Variants in PXDNL observed in about 807,000 individuals in gnomAD.
PXDNL encodes probable oxidoreductase PXDNL.
In PXDNL, 145 loss-of-function variants were observed where a neutral mutation model predicts 150.8. That is an observed-to-expected ratio of 0.96 (90% confidence interval 0.84 to 1.10). The LOEUF (loss-of-function observed/expected upper bound fraction) is 1.10. Ranked by LOEUF, PXDNL falls within the 50% of genes least tolerant of loss-of-function variation. The pLI is 0.00. For synonymous variants in PXDNL, 757 were observed against 725.7 expected (o/e 1.04, Z -0.69); for missense variants, 2,087 against 1,873.9 (o/e 1.11, Z -2.10).
chr8:51,570,202 A>C (rs1812904749), intron 3 of PXDNL, among the ~76,000 whole-genome samples: 1 of 151,916 alleles, frequency 6.6e-6, no homozygotes, highest in African/African-American at 2.4e-5. Flanking sequence ...ATGGGGCAGT[A>C]TGAAGAGTCT....
chr8:51,356,976 C>T (rs994562740), intron 19 of PXDNL, among the ~76,000 whole-genome samples: 6 of 152,104 alleles, frequency 3.9e-5, no homozygotes, highest in African/African-American at 7.2e-5. Flanking sequence ...GCAGCTGATT[C>T]ATCTGATAAT....
intron 17 of PXDNL, among the ~76,000 whole-genome samples, chr8:51,406,197 A>G (rs1057364736): frequency 4.6e-5 from 7 of 152,238 alleles, no homozygotes; most frequent in African/African-American, 1.7e-4. Context: ...TTAGCTGCCA[A>G]TTGAGAAGTG....
chr8:51,791,925 C>G (rs1226989357), intron 1 of PXDNL, among the ~76,000 whole-genome samples: 4 of 152,002 alleles, frequency 2.6e-5, no homozygotes, highest in Non-Finnish European at 4.4e-5. Context: ...GATGATGTCC[C>G]ACTTAGAAAA....
Position 51,542,569 on chromosome 8 carries a change from G to T in PXDNL, c.380+14271C>A, listed in dbSNP as rs139422853. Among the ~76,000 whole-genome samples the T allele has an allele frequency of 4.0e-3, 600 of 151,860 alleles. 5 individuals carry two copies. Among genetic ancestry groups the T allele is most frequent in the African/African-American group, 0.014 (566 of 41,398 alleles). Reference sequence around the variant, plus strand: ...CATTTCTGTAATCTCAGCAATTTTGGAGGCCGAAGCAGATGAATCACATGA... The same window carrying T: ...CATTTCTGTAATCTCAGCAATTTTGTAGGCCGAAGCAGATGAATCACATGA... On this transcript the variant is annotated intron_variant, in intron 4 of 22. Transcript: ENST00000356297.
chr8:51,744,257 GA>G (rs2036948667), intron 1 of PXDNL, among the ~76,000 whole-genome samples: 1 of 120,056 alleles, frequency 8.3e-6, no homozygotes, highest in Non-Finnish European at 1.7e-5. Context: ...GGAAAAGAAA[GA>G]AAAGAGAAAG....
At chr8:51,808,458 A>G (rs919473141) in intron 1 of PXDNL, among the ~76,000 whole-genome samples, 3 of 152,138 alleles carry the variant, frequency 2.0e-5, no homozygotes, top group Admixed American at 6.5e-5. Flanking sequence ...TCTAATTATG[A>G]CTTAATTTAA....
chr8:51,461,242 A>G (rs571919700), intron 8 of PXDNL, among the ~76,000 whole-genome samples: 37 of 152,332 alleles, frequency 2.4e-4, no homozygotes, highest in African/African-American at 8.7e-4. Flanking sequence ...CAATCTCAGA[A>G]CACTGAGAAG....
intron 12 of PXDNL, among the ~76,000 whole-genome samples, chr8:51,441,193 C>T (rs944746888): frequency 3.3e-5 from 5 of 152,194 alleles, no homozygotes; most frequent in African/African-American, 1.2e-4. Flanking sequence ...TCTCCTGCCA[C>T]CGTGTGAAGA....
At chr8:51,502,755 C>A (rs773028064) in intron 4 of PXDNL, among the ~76,000 whole-genome samples, 1 of 151,802 alleles carries the variant, frequency 6.6e-6, no homozygotes, top group Non-Finnish European at 1.5e-5. Context: ...TTAAGTAGCA[C>A]TAGTATTCCT....
At chr8:51,648,883 C>T (rs1440899293) in intron 2 of PXDNL, among the ~76,000 whole-genome samples, 1 of 152,046 alleles carries the variant, frequency 6.6e-6, no homozygotes, top group African/African-American at 2.4e-5. Context: ...AAATGTTTTA[C>T]TATGCTTAAA....
chr8:51,500,033 C>T (rs1811149895), intron 4 of PXDNL, among the ~76,000 whole-genome samples: 1 of 152,136 alleles, frequency 6.6e-6, no homozygotes, highest in Non-Finnish European at 1.5e-5. Context: ...CAGGGAGCCT[C>T]TTGAGTCGAT....
rs1477014762 is a variant in PXDNL at position 51,560,122 on chromosome 8, C to CT, written c.309-3212dup. On this transcript the variant is annotated intron_variant, in intron 3 of 22. Coordinates refer to ENST00000356297, the MANE Select transcript of PXDNL (RefSeq NM_144651.5). ...ACTTAACCAAGCGGGTTAAAGACTTCTACACTGAAAGATACAAAACATTAC... is the reference window on the plus strand; with the variant it reads ...ACTTAACCAAGCGGGTTAAAGACTTCTTACACTGAAAGATACAAAACATTAC... Among the ~76,000 whole-genome samples, 103 of 152,068 alleles carry CT rather than the reference C, an allele frequency of 6.8e-4. 2 individuals carry two copies. Among genetic ancestry groups the CT allele is most frequent in the African/African-American group, 2.4e-3 (101 of 41,532 alleles).
chr8:51,569,513 A>G (rs989444096), intron 3 of PXDNL, among the ~76,000 whole-genome samples: 1 of 151,966 alleles, frequency 6.6e-6, no homozygotes, highest in Admixed American at 6.6e-5. Context: ...GCAAATAAAC[A>G]TTTCCTTTAT....
intron 1 of PXDNL, among the ~76,000 whole-genome samples, chr8:51,704,950 A>T (rs1232765602): frequency 1.3e-5 from 2 of 152,246 alleles, no homozygotes; most frequent in Non-Finnish European, 2.9e-5. Flanking sequence ...AACACTTTAT[A>T]CTAAATTCTC....
In PXDNL at chr8:51,472,236, A is replaced by G; in HGVS notation, c.763T>C (p.Cys255Arg). 1 of 1,613,840 alleles carries G rather than the reference A, an allele frequency of 6.2e-7. No homozygotes were observed. The highest frequency in any genetic ancestry group is 1.3e-5 in the African/African-American group (1 of 75,028). ...VPSGNTVYFT[C>R]RAEGNPKPEI... is the part of the protein sequence containing the mutation. ...GGTTTGGGGTTTCCTTCCGCCCGGC[A>G]GGTGAAGTAGACGGTATTTCCTGAT... Residue 255 changes from cysteine to arginine, a missense_variant, in exon 8 of 23, where the codon TGC (cysteine) becomes CGC (arginine). Cys to Arg is a radical substitution (Grantham distance 180, BLOSUM62 -3). Transcript: ENST00000356297.
chr8:51,343,526 A>T (rs1806052127), intron 20 of PXDNL, among the ~76,000 whole-genome samples: 1 of 152,222 alleles, frequency 6.6e-6, no homozygotes, highest in South Asian at 2.1e-4. Context: ...TCTTTAGCTG[A>T]GGCAACATCT....
rs1220104684 is a variant in PXDNL at position 51,453,501 on chromosome 8, G to A, written c.1249+18C>T. ...GTGGCAGGAGGAACATTTCAATCAT[G>A]ACCTTCTGCTCCCATACCTTGTACA... On this transcript the variant is annotated intron_variant, in intron 10 of 22. Transcript: ENST00000356297. 6.2e-7 allele frequency: 1 copy of A among 1,609,784 alleles called. No individual in the cohort carries two copies. Among genetic ancestry groups the A allele is most frequent in the Non-Finnish European group, 8.5e-7 (1 of 1,176,354 alleles).
chr8:51,417,928 T>C (rs1311671962), intron 14 of PXDNL, among the ~76,000 whole-genome samples: 1 of 152,240 alleles, frequency 6.6e-6, no homozygotes, highest in Non-Finnish European at 1.5e-5. Flanking sequence ...AAAGGCACCA[T>C]CTACTTTGTT....
rs1230325483 is a variant in PXDNL at position 51,319,661 on chromosome 8, T to C, written c.*230A>G. On this transcript the variant is annotated 3_prime_UTR_variant, in exon 23 of 23. Coordinates refer to ENST00000356297, the MANE Select transcript of PXDNL (RefSeq NM_144651.5). ...AGCTTACAGTAAGAAATATTTCTTA[T>C]GATCAAACACTTCATATGCACTTTA... The C allele has an allele frequency of 3.4e-6, 1 of 289,958 alleles. No individual in the cohort carries two copies. Among genetic ancestry groups the C allele is most frequent in the African/African-American group, 2.2e-5 (1 of 45,836 alleles). The allele number at this position is 289,958 out of a possible 1,614,324, so 18.0% of individuals were successfully genotyped here. A position where few individuals can be genotyped will look rare whatever the true frequency, so the allele number is the denominator to read the frequency against.
Sources: gnomAD v4.1 joint callset for allele counts (sites outside exome capture counted in the v4.1 genomes callset) on GRCh38, gnomAD v4.1.1 for gene constraint, MANE v1.5 for transcripts, NCBI Gene and HGNC (gene_info 2026-07-23, HGNC 2026-07-21) for gene names.